The following STK11 variants were observed in gnomAD, a reference collection of about 807,000 sequenced individuals.
The protein encoded by STK11 is serine/threonine kinase 11.
STK11 carries 8 observed loss-of-function variants against 47.3 expected under a neutral mutation model. That is an observed-to-expected ratio of 0.17 (90% CI 0.10 to 0.31). The LOEUF is 0.31. Among genes scored for constraint, STK11 ranks in the 10% least tolerant of loss-of-function variants. STK11 has a pLI of 1.00. For missense variants in STK11, 475 were observed against 605.0 expected (o/e 0.79, Z 2.25); for synonymous variants, 330 against 255.8 (o/e 1.29, Z -2.77).
intron 9 of STK11, chr19:1,226,999 A>T (rs2080828654): frequency 3.1e-6 from 1 of 321,178 alleles, no homozygotes; most frequent in African/African-American, 2.2e-5. Flanking sequence ...CGCTTCCAGG[A>T]AAGGCTTATG....
Position 1,206,849 on chromosome 19 carries a change from C to T in STK11, c.-65C>T. 1 of 1,485,892 alleles carries T rather than the reference C, an allele frequency of 6.7e-7. No homozygotes were observed. The highest frequency in any genetic ancestry group is 9.0e-7 in the Non-Finnish European group (1 of 1,110,966). The allele number at this position is 1,485,892 out of a possible 1,614,324, so 92.0% of individuals were successfully genotyped here. ...ATTTTGGAGAAGGGAAGTCGGAACACAAGGAAGGACCGCTCACCCGCGGAC... is the reference window on the plus strand; with the variant it reads ...ATTTTGGAGAAGGGAAGTCGGAACATAAGGAAGGACCGCTCACCCGCGGAC... On this transcript the variant is annotated 5_prime_UTR_variant, in exon 1 of 10. Transcript: ENST00000326873.
intron 9 of STK11, chr19:1,227,202 CGGGT>C (rs2080830973): frequency 6.2e-6 from 1 of 160,432 alleles, no homozygotes. Context: ...GCCCCAGCCC[CGGGT>C]GGGAGACGGA....
In STK11 at chr19:1,227,893, C is replaced by G. The variant is rs550127419; in HGVS notation, c.*317C>G. Reference sequence around the variant, plus strand: ...TTATGTGGAGACTACTGGCCCCGCCCGTGGCCTCGTGCTCCGCAGGGCGCC... The same window carrying G: ...TTATGTGGAGACTACTGGCCCCGCCGGTGGCCTCGTGCTCCGCAGGGCGCC... On this transcript the variant is annotated 3_prime_UTR_variant, in exon 10 of 10. Transcript: ENST00000326873. 237 of 1,069,310 alleles carry G rather than the reference C, an allele frequency of 2.2e-4. 1 individual carries two copies. In the African/African-American group the frequency reaches 3.6e-3, roughly 16 times the overall value. 66.2% of individuals were successfully genotyped at this position (1,069,310 alleles called of 1,614,324 possible).
At chr19:1,225,589 A>T in intron 8 of STK11, 1 of 985,406 alleles carries the variant, frequency 1.0e-6, no homozygotes, top group Non-Finnish European at 1.2e-6. Flanking sequence ...TTTTAAAGCT[A>T]GTGACTTCCT....
chr19:1,207,850 T>A (rs1167473963), intron 1 of STK11, among the ~76,000 whole-genome samples: 1 of 152,234 alleles, frequency 6.6e-6, no homozygotes, highest in East Asian at 1.9e-4. Flanking sequence ...CCGGAAGACC[T>A]TACTTTTCCA....
At chr19:1,227,518 A>C in intron 9 of STK11, 75 bp from the exon 10 acceptor site, 8 of 1,058,978 alleles carry the variant, frequency 7.6e-6, no homozygotes, top group Non-Finnish European at 9.1e-6. Flanking sequence ...CAGCTTCTCC[A>C]TCCTCCCAGG....
At chr19:1,223,608 G>T in intron 8 of STK11, 1 of 1,070,608 alleles carries the variant, frequency 9.3e-7, no homozygotes, top group Non-Finnish European at 1.1e-6. Context: ...CTGCCCGCTG[G>T]CCCTGATGCC....
chr19:1,221,637 C>T, intron 6 of STK11: 1 of 586,902 alleles, frequency 1.7e-6, no homozygotes, highest in Non-Finnish European at 3.0e-6. Flanking sequence ...TCAGGGTTGT[C>T]CTGCTGCACT....
intron 9 of STK11, 85 bp from the exon 10 acceptor site, chr19:1,227,508 C>T (rs1201093001): frequency 1.9e-6 from 2 of 1,058,792 alleles, no homozygotes; most frequent in Non-Finnish European, 1.1e-6. Context: ...GACTGTACCT[C>T]AGCTTCTCCA....
intron 1 of STK11, 37 bp downstream of exon 1, chr19:1,207,240 C>T (rs900952195): frequency 6.4e-7 from 1 of 1,560,804 alleles, no homozygotes. Flanking sequence ...CCGGGCCGGG[C>T]CAGTCACGGT....
Position 1,218,423 on chromosome 19 carries a change from T to G in STK11, c.297T>G (p.Ile99Met), listed in dbSNP as rs559620061. Residue 99 changes from isoleucine to methionine, a missense_variant, in exon 2 of 10, where the codon ATT becomes ATG. Coordinates refer to ENST00000326873, the MANE Select transcript of STK11 (RefSeq NM_000455.5). ...CCTGTCCTCTCTGTCCCAGGGAAATTCAACTACTGAGGAGGTTACGGCACA... is the reference window on the plus strand; with the variant it reads ...CCTGTCCTCTCTGTCCCAGGGAAATGCAACTACTGAGGAGGTTACGGCACA... ...PNGEANVKKE[I>M]QLLRRLRHKN... The G allele has an allele frequency of 5.6e-6, 9 of 1,613,406 alleles. No individual in the cohort carries two copies. In the South Asian group the frequency reaches 7.7e-5, roughly 14 times the overall value.
At chr19:1,221,467 T>C in intron 6 of STK11, 127 bp downstream of exon 6, 1 of 1,391,728 alleles carries the variant, frequency 7.2e-7, no homozygotes, top group Non-Finnish European at 9.5e-7. Flanking sequence ...GAGGACTGAG[T>C]GGAGAGGCCG....
At chr19:1,227,277 C>T (rs748946262) in intron 9 of STK11, 24 of 174,650 alleles carry the variant, frequency 1.4e-4, no homozygotes, top group Admixed American at 1.0e-3. Flanking sequence ...GATGGGGGCC[C>T]GAGGCTGAAG....
At chr19:1,223,722 C>T (rs1228112615) in intron 8 of STK11, 3 of 1,041,540 alleles carry the variant, frequency 2.9e-6, no homozygotes, top group Non-Finnish European at 3.5e-6. Flanking sequence ...GGAGAGGAAG[C>T]CTCTCGGCCG....
intron 1 of STK11, among the ~76,000 whole-genome samples, chr19:1,210,633 G>C (rs2080703272): frequency 6.6e-6 from 1 of 152,264 alleles, no homozygotes; most frequent in Non-Finnish European, 1.5e-5. Flanking sequence ...ACTTTGGGAG[G>C]CCAAGGCGGG....
At chr19:1,214,894 G>A (rs1052789939) in intron 1 of STK11, among the ~76,000 whole-genome samples, 1 of 152,220 alleles carries the variant, frequency 6.6e-6, no homozygotes, top group Non-Finnish European at 1.5e-5. Context: ...GCCTCCTGGT[G>A]GAGCATCAGG....
intron 8 of STK11, chr19:1,225,917 ATGGT>A (rs200151324): frequency 0.026 from 25,467 of 990,588 alleles, 376 homozygotes; most frequent in Non-Finnish European, 0.029. Flanking sequence ...GGTGCTGGTG[ATGGT>A]TGGTGGCTAG....
chr19:1,218,217 C>T (rs534882777), intron 1 of STK11, among the ~76,000 whole-genome samples, 200 bp from the exon 2 acceptor site: 77 of 152,326 alleles, frequency 5.1e-4, no homozygotes, highest in Middle Eastern at 3.4e-3. Flanking sequence ...GGGCGCTGTG[C>T]TCCCACCCCC....
At chr19:1,226,115 A>G in intron 8 of STK11, 1 of 1,134,260 alleles carries the variant, frequency 8.8e-7, no homozygotes, top group Non-Finnish European at 1.1e-6. Flanking sequence ...GCCCCAGGGG[A>G]GCACGGGAGG....
Sources: gnomAD v4.1 joint callset for allele counts (sites outside exome capture counted in the v4.1 genomes callset) on GRCh38, gnomAD v4.1.1 for gene constraint, MANE v1.5 for transcripts, NCBI Gene and HGNC (gene_info 2026-07-23, HGNC 2026-07-21) for gene names.